Variants in CUL2 observed in about 807,000 individuals in gnomAD.
CUL2 encodes cullin 2.
Under a neutral mutation model 110.2 loss-of-function variants are expected in CUL2, and 22 were observed. That is an observed-to-expected ratio of 0.20 (90% CI 0.14 to 0.28). The LOEUF (loss-of-function observed/expected upper bound fraction) is 0.28. Among genes scored for constraint, CUL2 ranks in the 10% least tolerant of loss-of-function variants. CUL2 has a pLI of 1.00. For missense variants in CUL2, 631 were observed against 905.5 expected, an observed-to-expected ratio of 0.70 and a Z score of 3.89; for synonymous variants, 279 against 293.2, an observed-to-expected ratio of 0.95 and a Z score of 0.49.
At chr10:35,040,741 T>C (rs941785985) in intron 8 of CUL2, among the ~76,000 whole-genome samples, 2 of 152,072 alleles carry the variant, frequency 1.3e-5, no homozygotes, top group African/African-American at 2.4e-5. Context: ...GCGGGCGGCA[T>C]TGGTGGGGGC....
chr10:35,076,395 G>A (rs1160464114), intron 1 of CUL2, among the ~76,000 whole-genome samples: 2 of 152,124 alleles, frequency 1.3e-5, no homozygotes. Context: ...TAGGTAAACT[G>A]AATGGTATGT....
intron 1 of CUL2, among the ~76,000 whole-genome samples, chr10:35,077,969 T>G (rs1388457373): frequency 1.3e-5 from 2 of 152,172 alleles, no homozygotes; most frequent in East Asian, 3.8e-4. Flanking sequence ...GGGGATTTAT[T>G]ACAATATTCT....
In CUL2 at chr10:35,010,291, C is replaced by G. The variant is rs1588937726; in HGVS notation, c.*20G>C. The G allele has an allele frequency of 1.3e-6, 2 of 1,580,164 alleles. No individual in the cohort carries two copies. The highest frequency in any genetic ancestry group is 2.3e-5 in the East Asian group (1 of 43,352). On this transcript the variant is annotated 3_prime_UTR_variant, in exon 21 of 21. Coordinates refer to ENST00000374749, the MANE Select transcript of CUL2 (RefSeq NM_003591.4). Reference sequence around the variant, plus strand: ...GGTGATGGCAATGATCTTCTCACACCACGCTGGAGGAGAGCGACATCACGC... The same window carrying G: ...GGTGATGGCAATGATCTTCTCACACGACGCTGGAGGAGAGCGACATCACGC...
At chr10:35,030,073 G>A (rs538971543) in intron 14 of CUL2, among the ~76,000 whole-genome samples, 11 of 152,122 alleles carry the variant, frequency 7.2e-5, no homozygotes, top group Non-Finnish European at 1.2e-4. Flanking sequence ...CTACAACTTC[G>A]AACACCTGGG....
chr10:35,087,712 ATCT>A (rs1191753737), intron 1 of CUL2, among the ~76,000 whole-genome samples: 1 of 152,204 alleles, frequency 6.6e-6, no homozygotes. Context: ...TTCAATAAGT[ATCT>A]TCAACTCCAA....
chr10:35,012,463 T>C (rs1484485890), intron 19 of CUL2, among the ~76,000 whole-genome samples: 2 of 152,072 alleles, frequency 1.3e-5, no homozygotes, highest in African/African-American at 4.8e-5. Flanking sequence ...TCCAAATGCA[T>C]ACTGGATCAG....
intron 9 of CUL2, among the ~76,000 whole-genome samples, chr10:35,037,460 A>G (rs968162188): frequency 9.9e-5 from 15 of 152,200 alleles, no homozygotes; most frequent in Non-Finnish European, 1.5e-4. Flanking sequence ...AAGTCTTTCC[A>G]TCATACTCTT....
intron 2 of CUL2, among the ~76,000 whole-genome samples, chr10:35,097,322 C>G (rs2135099655): frequency 6.6e-6 from 1 of 152,078 alleles, no homozygotes; most frequent in East Asian, 1.9e-4. Flanking sequence ...TACCCTTAAG[C>G]TGGCTCAGTA....
At chr10:35,046,273 T>A (rs1344245971) in intron 6 of CUL2, among the ~76,000 whole-genome samples, 3 of 152,238 alleles carry the variant, frequency 2.0e-5, no homozygotes, top group Non-Finnish European at 4.4e-5. Flanking sequence ...TAAGCCCACA[T>A]TCAATCTGGT....
At chr10:35,060,379 G>A (rs2086351161) in intron 4 of CUL2, among the ~76,000 whole-genome samples, 1 of 152,240 alleles carries the variant, frequency 6.6e-6, no homozygotes, top group South Asian at 2.1e-4. Context: ...GAGACCATGG[G>A]CCATTAGGAA....
At chr10:35,021,863 G>GGTGGGGCGGGGTGA (rs1400066877) in intron 17 of CUL2, among the ~76,000 whole-genome samples, 1 of 61,266 alleles carries the variant, frequency 1.6e-5, no homozygotes. Context: ...AGGTGAGGTG[G>GGTGGGGCGGGGTGA]GGTGGGGTGA....
intron 1 of CUL2, among the ~76,000 whole-genome samples, chr10:35,076,930 T>C (rs1395214940): frequency 1.3e-5 from 2 of 152,016 alleles, no homozygotes. Context: ...TGGGCACCTG[T>C]AGTCCCAGCT....
intron 2 of CUL2, among the ~76,000 whole-genome samples, chr10:35,068,284 T>A (rs1456713451): frequency 1.3e-5 from 2 of 152,002 alleles, no homozygotes; most frequent in Non-Finnish European, 2.9e-5. Context: ...TAGCCAGGCA[T>A]GGTGGCGGGC....
intron 1 of CUL2, among the ~76,000 whole-genome samples, chr10:35,117,490 A>G (rs2087623667): frequency 1.3e-5 from 2 of 150,784 alleles, no homozygotes; most frequent in African/African-American, 4.9e-5. Flanking sequence ...TCAGCCTCAC[A>G]AAGTGTTGGA....
intron 1 of CUL2, among the ~76,000 whole-genome samples, chr10:35,077,112 T>C (rs534587750): frequency 6.6e-6 from 1 of 152,294 alleles, no homozygotes; most frequent in South Asian, 2.1e-4. Context: ...GTCTATCAAC[T>C]GATAAATGGT....
At chr10:35,034,627 T>G (rs1008558862) in intron 10 of CUL2, among the ~76,000 whole-genome samples, 1 of 152,212 alleles carries the variant, frequency 6.6e-6, no homozygotes, top group Non-Finnish European at 1.5e-5. Context: ...GACAAACTGT[T>G]ACAGTACAAA....
Position 35,033,112 on chromosome 10 carries a change from A to G in CUL2, c.1110+54T>C, listed in dbSNP as rs2085519208. 17 of 1,085,984 alleles carry G rather than the reference A, an allele frequency of 1.6e-5. 1 individual carries two copies. Among genetic ancestry groups the G allele is most frequent in the Non-Finnish European group, 2.1e-5 (16 of 766,622 alleles). 67.3% of individuals were successfully genotyped at this position (1,085,984 alleles called of 1,614,324 possible). ...TAGAATTCTGATCTTGAAACTGCCT[A>G]AAGAATGATAGAGTTTTATGTACAT... On this transcript the variant is annotated intron_variant, in intron 11 of 20. Coordinates refer to ENST00000374749, the MANE Select transcript of CUL2 (RefSeq NM_003591.4).
chr10:35,028,913 T>A (rs758719685), intron 15 of CUL2, 26 bp from the exon 16 acceptor site: 10 of 1,393,308 alleles, frequency 7.2e-6, no homozygotes, highest in Middle Eastern at 3.6e-4. Context: ...TAAAATAAAA[T>A]AAGCTAAATG....
At chr10:35,021,262 CT>C (rs35593540) in intron 17 of CUL2, among the ~76,000 whole-genome samples, 42,689 of 144,512 alleles carry the variant, frequency 0.3, 6,473 homozygotes, top group South Asian at 0.35. Context: ...TTCTTTCTTT[CT>C]TTTTTTTTTT....
Sources: gnomAD v4.1 joint callset for allele counts (sites outside exome capture counted in the v4.1 genomes callset) on GRCh38, gnomAD v4.1.1 for gene constraint, MANE v1.5 for transcripts, NCBI Gene and HGNC (gene_info 2026-07-23, HGNC 2026-07-21) for gene names.